The following GPC3 variants were observed in gnomAD, a reference collection of about 807,000 sequenced individuals.
GPC3 encodes glypican-3.
Under a neutral mutation model 34.4 loss-of-function variants are expected in GPC3, and 3 were observed. That is an observed-to-expected ratio of 0.09 (90% CI 0.04 to 0.23). The LOEUF is 0.23. Among genes scored for constraint, GPC3 ranks in the 10% least tolerant of loss-of-function variants. GPC3 has a pLI of 1.00. For missense variants in GPC3, 351 were observed against 445.6 expected (o/e 0.79, Z 1.91); for synonymous variants, 177 against 174.0 (o/e 1.02, Z -0.13).
chrX:133,620,044 C>T (rs895968040), intron 6 of GPC3, among the ~76,000 whole-genome samples: 2 of 108,482 alleles, frequency 1.8e-5, no homozygotes, highest in Non-Finnish European at 3.8e-5. Flanking sequence ...CACGGTGAAA[C>T]CCCATCTCTA....
At chrX:133,708,774 C>T (rs1010335883) in intron 3 of GPC3, among the ~76,000 whole-genome samples, 6 of 112,301 alleles carry the variant, frequency 5.3e-5, no homozygotes, top group Non-Finnish European at 1.1e-4. Flanking sequence ...TGGATTTCTA[C>T]TTTCACAAAG....
rs186234710 is a variant in GPC3 at position 133,665,319 on chromosome X, T to C, written c.1293-3469A>G. Among the ~76,000 whole-genome samples, 7 of 112,202 alleles carry C rather than the reference T, an allele frequency of 6.2e-5. No homozygotes were observed. In the East Asian group the frequency reaches 2.0e-3, roughly 31 times the overall value. On this transcript the variant is annotated intron_variant, in intron 5 of 7. Coordinates refer to ENST00000370818, the MANE Select transcript of GPC3 (RefSeq NM_004484.4). ...CCACACTGTGAAGTTGAGAGGTAGATAGGGCATTAGCTCTTTATTACTGAA... is the reference window on the plus strand; with the variant it reads ...CCACACTGTGAAGTTGAGAGGTAGACAGGGCATTAGCTCTTTATTACTGAA...
chrX:133,565,876 AT>A (rs1209079551), intron 7 of GPC3, among the ~76,000 whole-genome samples: 3 of 112,370 alleles, frequency 2.7e-5, no homozygotes, highest in Non-Finnish European at 5.6e-5. Flanking sequence ...CTCAATTCAA[AT>A]CCAAGCTCTA....
chrX:133,937,301 C>T (rs1221214587), intron 2 of GPC3, among the ~76,000 whole-genome samples: 8 of 111,069 alleles, frequency 7.2e-5, no homozygotes, highest in East Asian at 5.6e-4. Flanking sequence ...CACACACATA[C>T]GCATCCATTC....
intron 2 of GPC3, among the ~76,000 whole-genome samples, chrX:133,935,628 T>C (rs2124624662): frequency 9.0e-6 from 1 of 111,527 alleles, no homozygotes; most frequent in African/African-American, 3.3e-5. Flanking sequence ...TCACGTTATA[T>C]TTGAAAATCA....
intron 6 of GPC3, among the ~76,000 whole-genome samples, chrX:133,633,543 C>A (rs1274585732): frequency 1.8e-5 from 2 of 111,915 alleles, no homozygotes; most frequent in Non-Finnish European, 3.8e-5. Context: ...TGATTGCCTG[C>A]TATAGTGGAA....
chrX:133,564,669 A>G (rs1408428868), intron 7 of GPC3, among the ~76,000 whole-genome samples: 1 of 111,671 alleles, frequency 9.0e-6, no homozygotes, highest in Non-Finnish European at 1.9e-5. Flanking sequence ...TTCCTCACCT[A>G]TAAAACAAAA....
intron 1 of GPC3, among the ~76,000 whole-genome samples, chrX:133,956,873 G>A (rs992944219): frequency 1.8e-5 from 2 of 111,117 alleles, no homozygotes; most frequent in African/African-American, 6.5e-5. Flanking sequence ...ATGGGTCCGG[G>A]AATGACTCTT....
In GPC3 at chrX:133,754,179, G is replaced by GA. The variant is rs2071703793; in HGVS notation, c.338-4_338-3insT. 1 of 896,507 alleles carries GA rather than the reference G, an allele frequency of 1.1e-6. No individual in the cohort carries two copies. The highest frequency in any genetic ancestry group is 1.6e-6 in the Non-Finnish European group (1 of 644,101). 73.9% of individuals were successfully genotyped at this position (896,507 alleles called of 1,213,427 possible). ...GCGAACAACAATTTCAAAGGCCTCT[G>GA]TAAAAAAAAAAAAAAAAGAGACACA... On this transcript the variant is annotated splice_region_variant and splice_polypyrimidine_tract_variant and intron_variant, in intron 2 of 7. Coordinates refer to ENST00000370818, the MANE Select transcript of GPC3 (RefSeq NM_004484.4).
At chrX:133,926,918 G>T (rs903832179) in intron 2 of GPC3, among the ~76,000 whole-genome samples, 1 of 110,065 alleles carries the variant, frequency 9.1e-6, no homozygotes, top group Non-Finnish European at 1.9e-5. Flanking sequence ...CTGGAACGCT[G>T]AAAGGGAGAA....
At chrX:133,790,943 G>A (rs1159324468) in intron 2 of GPC3, among the ~76,000 whole-genome samples, 1 of 111,857 alleles carries the variant, frequency 8.9e-6, no homozygotes, top group Non-Finnish European at 1.9e-5. Context: ...GTGTGGGTGT[G>A]GCAGGGTTCA....
intron 7 of GPC3, among the ~76,000 whole-genome samples, chrX:133,596,015 G>A (rs773821617): frequency 9.0e-6 from 1 of 111,635 alleles, no homozygotes; most frequent in South Asian, 3.8e-4. Flanking sequence ...TTTAACTTTT[G>A]TTTTAAGTTC....
chrX:133,582,688 G>T (rs1465792964), intron 7 of GPC3, among the ~76,000 whole-genome samples: 1 of 110,953 alleles, frequency 9.0e-6, no homozygotes, highest in African/African-American at 3.3e-5. Flanking sequence ...CAAAGATATT[G>T]GTCCATGACA....
At chrX:133,707,011 T>A (rs1163139255) in intron 3 of GPC3, among the ~76,000 whole-genome samples, 1 of 112,275 alleles carries the variant, frequency 8.9e-6, no homozygotes, top group Admixed American at 9.4e-5. Context: ...CACCATGGAA[T>A]ACTACTCAGC....
At chrX:133,863,947 G>A (rs1194389117) in intron 2 of GPC3, among the ~76,000 whole-genome samples, 6 of 111,111 alleles carry the variant, frequency 5.4e-5, no homozygotes, top group Non-Finnish European at 9.4e-5. Flanking sequence ...GAGCCACCGC[G>A]CCCGGCCAAA....
At chrX:133,588,024 A>C (rs1397544879) in intron 7 of GPC3, among the ~76,000 whole-genome samples, 4 of 111,426 alleles carry the variant, frequency 3.6e-5, no homozygotes, top group African/African-American at 6.5e-5. Context: ...AACAGATGGG[A>C]TCTCCCTCCC....
intron 2 of GPC3, among the ~76,000 whole-genome samples, chrX:133,855,351 G>C (rs2075895226): frequency 2.7e-5 from 3 of 109,513 alleles, no homozygotes; most frequent in Admixed American, 2.0e-4. Flanking sequence ...ATTTTTTGTA[G>C]AGATGAGGTC....
chrX:133,616,107 A>C (rs2124352482), intron 6 of GPC3, among the ~76,000 whole-genome samples: 1 of 112,079 alleles, frequency 8.9e-6, no homozygotes, highest in East Asian at 2.8e-4. Flanking sequence ...AAGTAAAATC[A>C]TATTGACAAG....
intron 7 of GPC3, among the ~76,000 whole-genome samples, chrX:133,545,750 A>G (rs2069378568): frequency 9.0e-6 from 1 of 111,592 alleles, no homozygotes; most frequent in African/African-American, 3.3e-5. Context: ...GCTGTCATTG[A>G]TGCATAAACA....
Sources: allele counts gnomAD v4.1 joint callset (sites outside exome capture counted in the v4.1 genomes callset), GRCh38; gene constraint gnomAD v4.1.1; transcripts MANE v1.5; gene names NCBI Gene and HGNC (gene_info 2026-07-23, HGNC 2026-07-21).